The following CABCOCO1 variants were observed in gnomAD, a reference collection of about 807,000 sequenced individuals.
The protein encoded by CABCOCO1 is ciliary-associated calcium-binding coiled-coil protein 1.
Under a neutral mutation model 35.7 loss-of-function variants are expected in CABCOCO1, and 28 were observed. The observed-to-expected ratio is 0.78, with a 90% CI of 0.58 to 1.07. The LOEUF is 1.07. CABCOCO1 is among the 50% of genes least tolerant of loss of function. CABCOCO1 has a pLI of 0.00. For synonymous variants in CABCOCO1, 95 were observed against 100.1 expected (o/e 0.95, Z 0.30); for missense variants, 326 against 309.2 (o/e 1.05, Z -0.41).
chr10:61,674,248 T>A (rs1331029926), intron 2 of CABCOCO1, among the ~76,000 whole-genome samples: 7 of 152,180 alleles, frequency 4.6e-5, no homozygotes, highest in African/African-American at 1.7e-4. Flanking sequence ...TCTGAACATA[T>A]TTTTAATCTT....
chr10:61,697,558 A>G (rs1840329202), intron 5 of CABCOCO1, among the ~76,000 whole-genome samples: 1 of 152,102 alleles, frequency 6.6e-6, no homozygotes, highest in Non-Finnish European at 1.5e-5. Context: ...CTAACAATTA[A>G]TATGGCTTAC....
rs564584796 is a variant in CABCOCO1, at chr10:61,707,114, T to C, written c.552+16493T>C. ...AGATTCGAATTGGGTTGTTCATGTA[T>C]GTGCGTGGTGTCCAGAAAACTTACT... On this transcript the variant is annotated intron_variant, in intron 5 of 7. Transcript: ENST00000648843. Among the ~76,000 whole-genome samples the C allele has an allele frequency of 8.7e-4, 133 of 152,172 alleles. 1 individual carries two copies. Among genetic ancestry groups the C allele is most frequent in the Non-Finnish European group, 1.4e-3 (97 of 68,030 alleles).
At chr10:61,723,649 G>A (rs993991858) in intron 5 of CABCOCO1, among the ~76,000 whole-genome samples, 11 of 152,136 alleles carry the variant, frequency 7.2e-5, no homozygotes, top group African/African-American at 2.4e-4. Context: ...GTTTGCAGAT[G>A]GCCACCTTCT....
intron 5 of CABCOCO1, among the ~76,000 whole-genome samples, chr10:61,718,782 A>G (rs1840927965): frequency 6.6e-6 from 1 of 152,202 alleles, no homozygotes; most frequent in African/African-American, 2.4e-5. Context: ...AGGTATTAAT[A>G]TATATATTAT....
intron 1 of CABCOCO1, among the ~76,000 whole-genome samples, chr10:61,668,447 A>G (rs1327568506): frequency 3.3e-5 from 5 of 151,964 alleles, no homozygotes; most frequent in African/African-American, 1.2e-4. Context: ...CAAGTGTAAA[A>G]CCATCTGGGC....
intron 5 of CABCOCO1, among the ~76,000 whole-genome samples, chr10:61,710,829 T>C (rs1564543853): frequency 6.6e-6 from 1 of 151,716 alleles, no homozygotes; most frequent in Non-Finnish European, 1.5e-5. Context: ...AGGACAAGAT[T>C]ACAGGAAGAA....
chr10:61,758,862 T>G (rs2675647), intron 5 of CABCOCO1, among the ~76,000 whole-genome samples: 10,545 of 152,136 alleles, frequency 0.069, 483 homozygotes, highest in Non-Finnish European at 0.11. Context: ...ACATAAGCAT[T>G]TGTAAGACCA....
chr10:61,747,526 A>G lies in CABCOCO1; in HGVS notation c.553-12533A>G, dbSNP rs140376023. Reference sequence around the variant, plus strand: ...CTGAAATATGTTAAGGCTTAATTGTAGATTGTATAATTAGATTAAGCCAAT... The same window carrying G: ...CTGAAATATGTTAAGGCTTAATTGTGGATTGTATAATTAGATTAAGCCAAT... On this transcript the variant is annotated intron_variant, in intron 5 of 7. Coordinates refer to ENST00000648843, the MANE Select transcript of CABCOCO1 (RefSeq NM_001366906.2). Among the ~76,000 whole-genome samples, 35 of 152,260 alleles carry G rather than the reference A, an allele frequency of 2.3e-4. No individual in the cohort carries two copies. In the East Asian group the frequency reaches 5.2e-3, roughly 23 times the overall value.
intron 4 of CABCOCO1, among the ~76,000 whole-genome samples, chr10:61,689,428 C>A (rs79185507): frequency 2.0e-5 from 3 of 151,934 alleles, no homozygotes; most frequent in East Asian, 1.9e-4. Context: ...TTTTTTCCCC[C>A]AAAATACCAT....
intron 5 of CABCOCO1, among the ~76,000 whole-genome samples, chr10:61,739,921 G>A (rs560523405): frequency 1.8e-4 from 27 of 152,240 alleles, no homozygotes; most frequent in African/African-American, 5.8e-4. Flanking sequence ...CAGCCTGGGC[G>A]ACAGAGCGAG....
chr10:61,697,278 A>G (rs905328337), intron 5 of CABCOCO1, among the ~76,000 whole-genome samples: 4 of 152,128 alleles, frequency 2.6e-5, no homozygotes, highest in African/African-American at 9.7e-5. Flanking sequence ...TATTTAAAGG[A>G]AGTACTCAAT....
chr10:61,690,507 T>C (rs1840103566), intron 4 of CABCOCO1, 42 bp from the exon 5 acceptor site: 2 of 1,393,300 alleles, frequency 1.4e-6, no homozygotes, highest in Admixed American at 1.9e-5. Flanking sequence ...TTTTTTTTCC[T>C]GAAATCAACT....
chr10:61,683,293 C>T (rs924403949), intron 3 of CABCOCO1, among the ~76,000 whole-genome samples: 1 of 151,966 alleles, frequency 6.6e-6, no homozygotes, highest in African/African-American at 2.4e-5. Flanking sequence ...GGTGTAGTGG[C>T]TCATACCTGT....
chr10:61,760,744 C>T (rs1017349372), intron 6 of CABCOCO1, 119 bp from the exon 7 acceptor site: 3 of 1,182,564 alleles, frequency 2.5e-6, no homozygotes, highest in Admixed American at 5.8e-5. Flanking sequence ...ACACTTTGCA[C>T]TTGTATCCTG....
In CABCOCO1 at chr10:61,756,092, G is replaced by A. The variant is rs118153617; in HGVS notation, c.553-3967G>A. The stretch of plus-strand genomic sequence containing the variant: ...ACCTTGATTTTTTAAGATACATAAC[G>A]TTTGGCAATGAAATTTCATACTGAC... On this transcript the variant is annotated intron_variant, in intron 5 of 7. Transcript: ENST00000648843. Among the ~76,000 whole-genome samples the A allele has an allele frequency of 2.2e-3, 339 of 152,014 alleles. 2 individuals carry two copies. The highest frequency in any genetic ancestry group is 3.3e-3 in the Non-Finnish European group (222 of 67,894).
At chr10:61,724,412 A>G (rs1841094570) in intron 5 of CABCOCO1, among the ~76,000 whole-genome samples, 1 of 152,244 alleles carries the variant, frequency 6.6e-6, no homozygotes, top group African/African-American at 2.4e-5. Context: ...GATACAGGAT[A>G]TGGAAAAGAC....
At chr10:61,676,129 T>C (rs999460821) in intron 2 of CABCOCO1, among the ~76,000 whole-genome samples, 3 of 152,176 alleles carry the variant, frequency 2.0e-5, no homozygotes, top group African/African-American at 7.2e-5. Flanking sequence ...AAGTCAAAAG[T>C]ATATGATTGC....
intron 2 of CABCOCO1, among the ~76,000 whole-genome samples, chr10:61,680,608 C>CAT (rs199950014): frequency 0.8 from 63,742 of 79,978 alleles, 25,262 homozygotes; most frequent in Middle Eastern, 0.95. Flanking sequence ...ACATGTATAA[C>CAT]ATGTTATACA....
chr10:61,684,628 T>C (rs2131983317), intron 3 of CABCOCO1, among the ~76,000 whole-genome samples: 1 of 152,208 alleles, frequency 6.6e-6, no homozygotes, highest in Middle Eastern at 3.4e-3. Context: ...TTCCCCCAGA[T>C]CCCACATTCA....
Sources: gnomAD v4.1 joint callset for allele counts (sites outside exome capture counted in the v4.1 genomes callset) on GRCh38, gnomAD v4.1.1 for gene constraint, MANE v1.5 for transcripts, NCBI Gene and HGNC (gene_info 2026-07-23, HGNC 2026-07-21) for gene names.